The following TIAM1 variants were observed in gnomAD, a reference collection of about 807,000 sequenced individuals.
The protein encoded by TIAM1 is TIAM Rac1 associated GEF 1, also known as rho guanine nucleotide exchange factor TIAM1.
In TIAM1, 65 loss-of-function variants were observed where a neutral mutation model predicts 163.5. The ratio of observed to expected loss-of-function variants is 0.40; its 90% CI spans 0.33 to 0.49. The LOEUF (loss-of-function observed/expected upper bound fraction) is 0.49. Ranked by LOEUF, TIAM1 falls within the 20% of genes least tolerant of loss-of-function variation. TIAM1 has a pLI of 0.77. For missense variants in TIAM1, 1,789 were observed against 2,044.7 expected (o/e 0.87, Z 2.41); for synonymous variants, 833 against 810.1 (o/e 1.03, Z -0.48).
chr21:31,329,150 A>C (rs1336011684), intron 2 of TIAM1, among the ~76,000 whole-genome samples: 1 of 152,152 alleles, frequency 6.6e-6, no homozygotes, highest in Non-Finnish European at 1.5e-5. Context: ...GATGTCCTGG[A>C]ACGAACCCCC....
chr21:31,547,074 G>A (rs1177209544), intron 1 of TIAM1, among the ~76,000 whole-genome samples: 1 of 152,172 alleles, frequency 6.6e-6, no homozygotes, highest in African/African-American at 2.4e-5. Context: ...ATGAGATTCA[G>A]AACTGCTGTA....
At chr21:31,292,465 G>T (rs970182441) in intron 2 of TIAM1, among the ~76,000 whole-genome samples, 1 of 151,592 alleles carries the variant, frequency 6.6e-6, no homozygotes, top group East Asian at 2.0e-4. Flanking sequence ...TGCCTCCCGG[G>T]TTCAAGTGAT....
At chr21:31,358,992 C>T (rs963077895) in intron 2 of TIAM1, among the ~76,000 whole-genome samples, 3 of 152,112 alleles carry the variant, frequency 2.0e-5, no homozygotes, top group South Asian at 2.1e-4. Flanking sequence ...TTGGCCTCCT[C>T]GATGTTCCCT....
intron 1 of TIAM1, among the ~76,000 whole-genome samples, chr21:31,539,892 T>C (rs1433116454): frequency 6.6e-6 from 1 of 152,064 alleles, no homozygotes; most frequent in Non-Finnish European, 1.5e-5. Context: ...TGATAACATG[T>C]AAAGTATCAA....
At chr21:31,191,193 C>CA (rs2085546229) in intron 13 of TIAM1, among the ~76,000 whole-genome samples, 1 of 151,926 alleles carries the variant, frequency 6.6e-6, no homozygotes, top group Non-Finnish European at 1.5e-5. Flanking sequence ...GACAGAGTCT[C>CA]ACTCTGTCAC....
intron 15 of TIAM1, among the ~76,000 whole-genome samples, chr21:31,180,239 A>G (rs1009478126): frequency 1.3e-5 from 2 of 152,180 alleles, no homozygotes; most frequent in Non-Finnish European, 2.9e-5. Flanking sequence ...GAAATAGACG[A>G]AAACATTAAC....
intron 2 of TIAM1, among the ~76,000 whole-genome samples, chr21:31,457,552 C>A (rs1281401273): frequency 6.6e-6 from 1 of 152,064 alleles, no homozygotes; most frequent in Admixed American, 6.6e-5. Context: ...AAAAGTAAGA[C>A]AATGATAACA....
intron 1 of TIAM1, among the ~76,000 whole-genome samples, chr21:31,522,465 G>C (rs1013339786): frequency 1.3e-5 from 2 of 150,702 alleles, no homozygotes; most frequent in Non-Finnish European, 1.5e-5. Context: ...AGCCGAGATC[G>C]CACCATTGCA....
At chr21:31,392,300 G>A (rs1294121281) in intron 2 of TIAM1, among the ~76,000 whole-genome samples, 1 of 152,130 alleles carries the variant, frequency 6.6e-6, no homozygotes, top group African/African-American at 2.4e-5. Flanking sequence ...GCTGGGCGCG[G>A]TGGCTCACGC....
chr21:31,499,834 A>G (rs1231597645), intron 1 of TIAM1, among the ~76,000 whole-genome samples: 1 of 150,840 alleles, frequency 6.6e-6, no homozygotes, highest in Non-Finnish European at 1.5e-5. Flanking sequence ...TGGGCAACAG[A>G]ACAAGACTCC....
At chr21:31,357,672 T>C (rs1353912177) in intron 2 of TIAM1, among the ~76,000 whole-genome samples, 1 of 152,210 alleles carries the variant, frequency 6.6e-6, no homozygotes, top group African/African-American at 2.4e-5. Flanking sequence ...ATTTGCCATG[T>C]TCCCTTATTT....
chr21:31,520,844 G>A (rs1046511869), intron 1 of TIAM1, among the ~76,000 whole-genome samples: 3 of 152,210 alleles, frequency 2.0e-5, no homozygotes, highest in Non-Finnish European at 4.4e-5. Flanking sequence ...GACATGCTTC[G>A]CCCTCCAATT....
intron 4 of TIAM1, among the ~76,000 whole-genome samples, chr21:31,255,070 C>T (rs1397379810): frequency 6.6e-6 from 1 of 152,112 alleles, no homozygotes; most frequent in East Asian, 1.9e-4. Flanking sequence ...GTAGCTTTGC[C>T]ATGACCAGAC....
chr21:31,135,547 G>T (rs922601044), intron 23 of TIAM1, among the ~76,000 whole-genome samples: 1 of 152,000 alleles, frequency 6.6e-6, no homozygotes, highest in Non-Finnish European at 1.5e-5. Flanking sequence ...ATCTAGGACT[G>T]GGGGGTCTCA....
At chr21:31,525,799 T>C (rs1569412392) in intron 1 of TIAM1, among the ~76,000 whole-genome samples, 2 of 152,022 alleles carry the variant, frequency 1.3e-5, no homozygotes, top group East Asian at 1.9e-4. Context: ...TTTGGAAGGC[T>C]GAGATGGGTG....
Position 31,120,334 on chromosome 21 carries a change from T to C in TIAM1, c.*34A>G. 6.4e-7 allele frequency: 1 copy of C among 1,565,116 alleles called. No individual in the cohort carries two copies. The highest frequency in any genetic ancestry group is 1.2e-5 in the South Asian group (1 of 81,756). ...GTGGGCAGAGTTAGGGCAGGAAGTATCTACACACATTCTCTACGGGGCAGG... is the reference window on the plus strand; with the variant it reads ...GTGGGCAGAGTTAGGGCAGGAAGTACCTACACACATTCTCTACGGGGCAGG... On this transcript the variant is annotated 3_prime_UTR_variant, in exon 28 of 28. Coordinates refer to ENST00000541036, the MANE Select transcript of TIAM1 (RefSeq NM_001353694.2). The surrounding 1 kb of genome is among the most constrained non-coding windows in gnomAD (Gnocchi z 4.2).
chr21:31,396,967 A>T (rs2077084097), intron 2 of TIAM1, among the ~76,000 whole-genome samples: 1 of 152,138 alleles, frequency 6.6e-6, no homozygotes, highest in South Asian at 2.1e-4. Flanking sequence ...AAAAAATTTA[A>T]ATAATATTTT....
intron 13 of TIAM1, among the ~76,000 whole-genome samples, chr21:31,190,699 C>G (rs2146476257): frequency 6.6e-6 from 1 of 152,236 alleles, no homozygotes; most frequent in African/African-American, 2.4e-5. Flanking sequence ...TATCATGTAA[C>G]TGGATATGTG....
At chr21:31,360,345 T>C (rs1023962149) in intron 2 of TIAM1, among the ~76,000 whole-genome samples, 2 of 152,044 alleles carry the variant, frequency 1.3e-5, no homozygotes, top group South Asian at 4.1e-4. Context: ...ATTTACTATA[T>C]ATTATAATCC....
Sources: allele counts gnomAD v4.1 joint callset (sites outside exome capture counted in the v4.1 genomes callset), GRCh38; gene constraint gnomAD v4.1.1; non-coding constraint Gnocchi (gnomAD v3.1); transcripts MANE v1.5; gene names NCBI Gene and HGNC (gene_info 2026-07-23, HGNC 2026-07-21).